The following ANKRD36 variants were observed in gnomAD, a reference collection of about 807,000 sequenced individuals.
The protein encoded by ANKRD36 is ankyrin repeat domain-containing protein 36A.
In ANKRD36, 179 loss-of-function variants were observed where a neutral mutation model predicts 278.1. The observed-to-expected ratio is 0.64, with a 90% confidence interval of 0.57 to 0.73. The LOEUF (loss-of-function observed/expected upper bound fraction) is 0.73. ANKRD36 is among the 30% of genes least tolerant of loss of function. The probability of loss-of-function intolerance (pLI) is 0.00; values close to 1 mark genes in which losing one functional copy is unlikely to be tolerated. For missense variants in ANKRD36, 1,159 were observed against 1,956.7 expected, an observed-to-expected ratio of 0.59 and a Z score of 7.69; for synonymous variants, 320 against 641.1, an observed-to-expected ratio of 0.50 and a Z score of 7.57.
At chr2:97,172,973 A>G (rs1403351988) in intron 22 of ANKRD36, among the ~76,000 whole-genome samples, 1 of 151,662 alleles carries the variant, frequency 6.6e-6, no homozygotes, top group Non-Finnish European at 1.5e-5. Context: ...CTCTTCTTGG[A>G]TCTAGTAAGG....
rs184098361 is a variant in ANKRD36 at position 97,142,777 on chromosome 2, G to A, written c.843G>A (p.Lys281=). 6.2e-4 allele frequency: 987 copies of A among 1,579,250 alleles called. 11 individuals are homozygous for A. The East Asian group carries it at 0.014, about 23-fold the overall frequency. ...ATCCCACTCAGGCTACAAGTGGCAA[G>A]GAAGATTCTATTTCAAATATAGCCA... ...KQPALKATSG[K]EDSISNIATE... is the part of the protein sequence containing the mutation. The change falls in exon 8 of 76, where the codon AAG becomes AAA. Residue 281 remains lysine (K), a synonymous_variant. Transcript: ENST00000420699.
intron 3 of ANKRD36, among the ~76,000 whole-genome samples, chr2:97,122,499 A>G (rs1289953883): frequency 6.8e-6 from 1 of 146,354 alleles, no homozygotes; most frequent in Non-Finnish European, 1.5e-5. Flanking sequence ...TACCTGAAAC[A>G]TTTATTACTG....
In ANKRD36 at chr2:97,154,667, C is replaced by T; in HGVS notation, c.1194-8C>T. ...TGCTCATTTTTGTAATATCTTTTTG[C>T]TCTGTAGGTGTCTCTACCTACTGGA... On this transcript the variant is annotated splice_region_variant and splice_polypyrimidine_tract_variant and intron_variant, in intron 14 of 75. Transcript: ENST00000420699. The T allele has an allele frequency of 4.1e-6, 6 of 1,481,266 alleles. 1 individual carries two copies. Among genetic ancestry groups the T allele is most frequent in the Non-Finnish European group, 4.5e-6 (5 of 1,101,748 alleles). 91.8% of individuals were successfully genotyped at this position (1,481,266 alleles called of 1,614,324 possible). A position where few individuals can be genotyped will look rare whatever the true frequency, so the allele number is the denominator to read the frequency against.
At chr2:97,216,428 C>G (rs1576175979) in intron 62 of ANKRD36, among the ~76,000 whole-genome samples, 1 of 152,162 alleles carries the variant, frequency 6.6e-6, no homozygotes, top group Admixed American at 6.5e-5. Flanking sequence ...ATATTAATAT[C>G]TAACGCTTGT....
At chr2:97,156,767 C>G (rs1384196545) in intron 15 of ANKRD36, among the ~76,000 whole-genome samples, 4 of 143,442 alleles carry the variant, frequency 2.8e-5, no homozygotes, top group Non-Finnish European at 6.1e-5. Flanking sequence ...AATGGTATTT[C>G]TAGTTCTAGA....
chr2:97,144,692 A>G lies in ANKRD36; in HGVS notation c.983A>G (p.Asp328Gly), dbSNP rs2043804149. ...SVSNTATEIK[D>G]EQKSGTVLPA... is the part of the protein sequence containing the mutation. ...TCGAACACAGCCACAGAAATAAAAG[A>G]TGAACAAAAATCTGGGACAGGTAAT... The change falls in exon 10 of 76, where the codon GAT (aspartate) becomes GGT (glycine). Residue 328 changes from aspartate to glycine, a missense_variant. By Grantham distance (94) the Asp-to-Gly change is moderately conservative (BLOSUM62 -1). Transcript: ENST00000420699. The G allele has an allele frequency of 3.2e-6, 5 of 1,544,304 alleles. No individual in the cohort carries two copies. In the African/African-American group the frequency reaches 5.5e-5, roughly 17 times the overall value.
chr2:97,203,486 G>A (rs191328372), intron 48 of ANKRD36, among the ~76,000 whole-genome samples: 3 of 151,846 alleles, frequency 2.0e-5, no homozygotes, highest in Non-Finnish European at 4.4e-5. Flanking sequence ...TACACCATAT[G>A]GGGGTGAGAG....
intron 22 of ANKRD36, among the ~76,000 whole-genome samples, chr2:97,179,211 C>T (rs915615232): frequency 6.6e-6 from 1 of 151,468 alleles, no homozygotes; most frequent in Non-Finnish European, 1.5e-5. Flanking sequence ...TATATCCAAG[C>T]TGATTAAGTT....
At position 97,193,994 on chromosome 2, in the gene ANKRD36, T is replaced by A. The variant is rs920714870; in HGVS notation, c.2450-732T>A. On this transcript the variant is annotated intron_variant, in intron 38 of 75. Transcript: ENST00000420699. ...AGTAATATCTAATGCTTGTAGCCAT[T>A]TTACTTTGTAGAAGTATGTCAAATG... Among the ~76,000 whole-genome samples the A allele has an allele frequency of 2.4e-4, 36 of 151,716 alleles. 1 individual carries two copies. The highest frequency in any genetic ancestry group is 4.4e-5 in the Non-Finnish European group (3 of 67,878).
chr2:97,158,117 A>G lies in ANKRD36; in HGVS notation c.1271A>G (p.Glu424Gly). The part of the protein sequence containing the change: ...KFALESENIS[E>G]PYFTNRRTIS... ...TATTGTGTCTTCTAGAATATTTCAG[A>G]ACCATACTTTACGAACAGAAGGACT... The change falls in exon 16 of 76, where the codon GAA (glutamate) becomes GGA (glycine). Residue 424 changes from glutamate (E) to glycine (G), a missense_variant. By Grantham distance (98) the Glu-to-Gly change is moderately conservative. Coordinates refer to ENST00000420699, the MANE Select transcript of ANKRD36 (RefSeq NM_001354587.1). 2.0e-6 allele frequency: 3 copies of G among 1,511,254 alleles called. No homozygotes were observed. The highest frequency in any genetic ancestry group is 2.7e-6 in the Non-Finnish European group (3 of 1,124,676). The allele number at this position is 1,511,254 out of a possible 1,614,324, so 93.6% of individuals were successfully genotyped here.
chr2:97,211,732 T>C lies in ANKRD36; in HGVS notation c.3460T>C (p.Ser1154Pro), dbSNP rs539414006. 2.5e-6 allele frequency: 4 copies of C among 1,578,324 alleles called. No individual in the cohort carries two copies. Among genetic ancestry groups the C allele is most frequent in the South Asian group, 1.2e-5 (1 of 85,952 alleles). Residue 1154 changes from serine (S) to proline (P), a missense_variant, in exon 58 of 76, where the codon TCT (serine) becomes CCT (proline). By Grantham distance (74) the Ser-to-Pro change is moderately conservative. Transcript: ENST00000420699. The part of the protein sequence containing the change: ...MATEKKDEQI[S>P]GTVSCQKQPA... ...CACGGAAAAAAAGGATGAACAAATA[T>C]CTGGGACAGGTAATTTTGCAAACAC...
At chr2:97,175,497 T>C (rs2053963285) in intron 22 of ANKRD36, among the ~76,000 whole-genome samples, 1 of 151,986 alleles carries the variant, frequency 6.6e-6, no homozygotes, top group Admixed American at 6.6e-5. Flanking sequence ...TTATTGCGTC[T>C]ATTTGAATCT....
chr2:97,165,210 T>C (rs1444433203), intron 20 of ANKRD36, among the ~76,000 whole-genome samples: 1 of 152,214 alleles, frequency 6.6e-6, no homozygotes, highest in Non-Finnish European at 1.5e-5. Context: ...AAGTCTTCTA[T>C]ACGATTTCAC....
intron 68 of ANKRD36, among the ~76,000 whole-genome samples, chr2:97,240,995 T>TG (rs1182954207): frequency 3.5e-5 from 5 of 142,966 alleles, no homozygotes; most frequent in Non-Finnish European, 7.5e-5. Flanking sequence ...TTTTTTTTTT[T>TG]TTTTTTTTTT....
intron 67 of ANKRD36, among the ~76,000 whole-genome samples, chr2:97,226,641 C>G (rs531132936): frequency 1.1e-4 from 16 of 152,064 alleles, no homozygotes; most frequent in East Asian, 3.9e-4. Flanking sequence ...TAGATCCCAT[C>G]TGTCAATTTT....
At chr2:97,230,190 G>T (rs1191473993) in intron 67 of ANKRD36, among the ~76,000 whole-genome samples, 1 of 152,116 alleles carries the variant, frequency 6.6e-6, no homozygotes, top group African/African-American at 2.4e-5. Context: ...GGCCTGCCTT[G>T]CTAGATTGGG....
rs555492470 is a variant in ANKRD36, at chr2:97,212,247, G to T, written c.3469+506G>T. On this transcript the variant is annotated intron_variant, in intron 58 of 75. Coordinates refer to ENST00000420699, the MANE Select transcript of ANKRD36 (RefSeq NM_001354587.1). ...GGAAAAGTAGTTATTTATGTAATTT[G>T]GGATTTCTGCTGAGGAAACCTCAGT... Among the ~76,000 whole-genome samples the T allele has an allele frequency of 3.9e-5, 6 of 151,982 alleles. No homozygotes were observed. In the East Asian group the frequency reaches 9.8e-4, roughly 25 times the overall value.
At chr2:97,207,432 T>C (rs1044423274) in intron 52 of ANKRD36, among the ~76,000 whole-genome samples, 1 of 151,518 alleles carries the variant, frequency 6.6e-6, no homozygotes, top group African/African-American at 2.4e-5. Context: ...TTTTATTTCC[T>C]GCATGAAAGA....
chr2:97,219,442 A>G (rs2066805010), intron 66 of ANKRD36, among the ~76,000 whole-genome samples, 196 bp downstream of exon 66: 1 of 152,072 alleles, frequency 6.6e-6, no homozygotes, highest in Admixed American at 6.5e-5. Flanking sequence ...ATATTTTTAA[A>G]ACATAAGGTT....
Sources: gnomAD v4.1 joint callset for allele counts (sites outside exome capture counted in the v4.1 genomes callset) on GRCh38, gnomAD v4.1.1 for gene constraint, MANE v1.5 for transcripts, NCBI Gene and HGNC (gene_info 2026-07-23, HGNC 2026-07-21) for gene names.